GABRR2: variants seen among roughly 807,000 people sequenced by gnomAD.
GABRR2 encodes gamma-aminobutyric acid type A receptor subunit rho2, also known as gamma-aminobutyric acid receptor subunit rho-2.
In GABRR2, 36 loss-of-function variants were observed where a neutral mutation model predicts 47.0. The ratio of observed to expected loss-of-function variants is 0.77; its 90% CI spans 0.59 to 1.01. The LOEUF (loss-of-function observed/expected upper bound fraction) is 1.01, where lower values mean the gene tolerates loss of function less well. GABRR2 is among the 50% of genes least tolerant of loss of function. The pLI is 0.00. For missense variants in GABRR2, 587 were observed against 594.6 expected (o/e 0.99, Z 0.13); for synonymous variants, 204 against 227.5 (o/e 0.90, Z 0.93).
At chr6:89,286,550 T>C (rs1302744679) in intron 2 of GABRR2, among the ~76,000 whole-genome samples, 1 of 151,862 alleles carries the variant, frequency 6.6e-6, no homozygotes, top group Non-Finnish European at 1.5e-5. Context: ...TTGTTAATTA[T>C]ACCTCAAAGC....
chr6:89,283,928 ACTT>A (rs891439027), intron 2 of GABRR2, among the ~76,000 whole-genome samples: 29 of 152,198 alleles, frequency 1.9e-4, no homozygotes, highest in Admixed American at 1.6e-3. Flanking sequence ...TGGAAGAGAG[ACTT>A]CTTCTGAGTA....
At chr6:89,279,192 T>C (rs1339921810) in intron 2 of GABRR2, among the ~76,000 whole-genome samples, 1 of 152,218 alleles carries the variant, frequency 6.6e-6, no homozygotes, top group Non-Finnish European at 1.5e-5. Flanking sequence ...TGGTCCTTCA[T>C]GCCACCCACA....
At chr6:89,264,319 A>G in intron 8 of GABRR2, 93 bp downstream of exon 8, 1 of 1,382,746 alleles carries the variant, frequency 7.2e-7, no homozygotes, top group Middle Eastern at 1.9e-4. Context: ...TCCTTTTTCT[A>G]CATGCAACCC....
At chr6:89,263,054 G>T (rs914443781) in intron 8 of GABRR2, among the ~76,000 whole-genome samples, 1 of 152,120 alleles carries the variant, frequency 6.6e-6, no homozygotes, top group Non-Finnish European at 1.5e-5. Context: ...GTTTGCAGTT[G>T]ACCCTTGAAC....
At position 89,257,848 on chromosome 6, in the gene GABRR2, A is replaced by G. The variant is rs758229473; in HGVS notation, c.1220T>C (p.Ile407Thr). ...ACCACTCAGGCCCAGGTGGACCACT[A>G]TTTTGTCTTGCCTTTCTTCTTCTGT... ...ILTEEERQDK[I>T]VVHLGLSGEA... The change falls in exon 9 of 9, where the codon ATA becomes ACA. Residue 407 changes from isoleucine to threonine, a missense_variant. Coordinates refer to ENST00000402938, the MANE Select transcript of GABRR2 (RefSeq NM_002043.5). 12 of 1,613,834 alleles carry G rather than the reference A, an allele frequency of 7.4e-6. No individual in the cohort carries two copies. Among genetic ancestry groups the G allele is most frequent in the Admixed American group, 1.7e-5 (1 of 59,994 alleles).
intron 1 of GABRR2, among the ~76,000 whole-genome samples, chr6:89,313,995 G>A (rs1465925546): frequency 6.7e-6 from 1 of 149,838 alleles, no homozygotes; most frequent in East Asian, 1.9e-4. Context: ...GGAAGTAGAG[G>A]CTGTAACTCT....
Position 89,315,172 on chromosome 6 carries a change from G to A in GABRR2, c.-7C>T. The A allele has an allele frequency of 6.2e-7, 1 of 1,613,770 alleles. No individual in the cohort carries two copies. The highest frequency in any genetic ancestry group is 8.5e-7 in the Non-Finnish European group (1 of 1,179,796). On this transcript the variant is annotated 5_prime_UTR_variant, in exon 1 of 9. Transcript: ENST00000402938. ...GTCTTGTAAAATAAGGCATTTTGTG[G>A]ACATCTGTGAGGCAAAAAGCTGCTT... is the stretch of plus-strand genomic sequence containing the variant.
In GABRR2 at chr6:89,254,908, G is replaced by T. The variant is rs1341534486; in HGVS notation, c.*2762C>A. Reference sequence around the variant, plus strand: ...AAACACTGTTTATGATTCTAAATATGTCTGCTATAGAATTAACTCCAGTTT... The same window carrying T: ...AAACACTGTTTATGATTCTAAATATTTCTGCTATAGAATTAACTCCAGTTT... On this transcript the variant is annotated 3_prime_UTR_variant, in exon 9 of 9. Coordinates refer to ENST00000402938, the MANE Select transcript of GABRR2 (RefSeq NM_002043.5). Among the ~76,000 whole-genome samples, 1 of 152,100 alleles carries T rather than the reference G, an allele frequency of 6.6e-6. No homozygotes were observed. Among genetic ancestry groups the T allele is most frequent in the Non-Finnish European group, 1.5e-5 (1 of 68,020 alleles).
In GABRR2 at chr6:89,267,793, G is replaced by C; in HGVS notation, c.622C>G (p.Leu208Val). 1 of 1,613,558 alleles carries C rather than the reference G, an allele frequency of 6.2e-7. No individual in the cohort carries two copies. The highest frequency in any genetic ancestry group is 8.5e-7 in the Non-Finnish European group (1 of 1,179,756). The change falls in exon 6 of 9, where the codon CTG becomes GTG. Residue 208 changes from leucine to valine, a missense_variant. Leu to Val is a conservative substitution (Grantham distance 32). Coordinates refer to ENST00000402938, the MANE Select transcript of GABRR2 (RefSeq NM_002043.5). The stretch of plus-strand genomic sequence containing the variant: ...GATTCATCCCCATTCTTCCAGTACA[G>C]CATTAGATCTTCATCTGTATAGGCA... ...SYAYTDEDLM[L>V]YWKNGDESLK... is the part of the protein sequence containing the mutation.
intron 2 of GABRR2, among the ~76,000 whole-genome samples, chr6:89,284,024 G>A (rs1582451857): frequency 6.6e-6 from 1 of 152,108 alleles, no homozygotes; most frequent in Non-Finnish European, 1.5e-5. Flanking sequence ...CAAACTCTCC[G>A]ATGGTCCCAC....
At chr6:89,258,891 A>C in intron 8 of GABRR2, among the ~76,000 whole-genome samples, 1 of 147,052 alleles carries the variant, frequency 6.8e-6, no homozygotes, top group Non-Finnish European at 1.5e-5. Flanking sequence ...TATGCATTGA[A>C]TGCATAATAC....
chr6:89,305,945 T>C (rs1767551823), intron 1 of GABRR2, among the ~76,000 whole-genome samples: 1 of 151,586 alleles, frequency 6.6e-6, no homozygotes, highest in South Asian at 2.1e-4. Flanking sequence ...CCCCTGAACC[T>C]AAAATAGAAG....
Position 89,257,636 on chromosome 6 carries a change from T to A in GABRR2, c.*34A>T. On this transcript the variant is annotated 3_prime_UTR_variant, in exon 9 of 9. Coordinates refer to ENST00000402938, the MANE Select transcript of GABRR2 (RefSeq NM_002043.5). ...AATGACTGGCCAGGCCCCCTCGATG[T>A]CTATGCCCTCTTCTAGGAACAGCCT... is the stretch of plus-strand genomic sequence containing the variant. 6.4e-7 allele frequency: 1 copy of A among 1,558,546 alleles called. No individual in the cohort carries two copies. The highest frequency in any genetic ancestry group is 8.7e-7 in the Non-Finnish European group (1 of 1,143,012).
At chr6:89,309,812 C>A (rs898989779) in intron 1 of GABRR2, among the ~76,000 whole-genome samples, 1 of 152,080 alleles carries the variant, frequency 6.6e-6, no homozygotes, top group African/African-American at 2.4e-5. Flanking sequence ...GGGTCTTGCT[C>A]TGTTACCCAG....
chr6:89,303,891 C>T (rs59712516), intron 1 of GABRR2, among the ~76,000 whole-genome samples: 6,763 of 152,176 alleles, frequency 0.044, 218 homozygotes, highest in African/African-American at 0.09. Flanking sequence ...TTATGAGAAC[C>T]GGCTAGCCAT....
chr6:89,267,086 G>A (rs945180082), intron 6 of GABRR2, among the ~76,000 whole-genome samples: 7 of 143,654 alleles, frequency 4.9e-5, no homozygotes, highest in African/African-American at 1.8e-4. Context: ...TGCAACCTTT[G>A]CCTCCTGGGT....
chr6:89,311,087 C>A (rs1027020809), intron 1 of GABRR2, among the ~76,000 whole-genome samples: 6 of 152,162 alleles, frequency 3.9e-5, no homozygotes, highest in African/African-American at 1.4e-4. Context: ...TCAAGCCTTG[C>A]CTCCAGGAGT....
In GABRR2 at chr6:89,271,680, A is replaced by G. The variant is rs147754574; in HGVS notation, c.263T>C (p.Leu88Pro). The change falls in exon 3 of 9, where the codon CTG (leucine) becomes CCG (proline). Residue 88 changes from leucine to proline, a missense_variant. By Grantham distance (98) the Leu-to-Pro change is moderately conservative. Coordinates refer to ENST00000402938, the MANE Select transcript of GABRR2 (RefSeq NM_002043.5). The part of the protein sequence containing the change: ...PVGVDVQVES[L>P]DSISEVDMDF... ...CATGTCCACCTCGGAGATGCTGTCC[A>G]GGCTCTCCACCTGTACGTCCACGCC... The G allele has an allele frequency of 1.9e-5, 30 of 1,612,356 alleles. No individual in the cohort carries two copies. The highest frequency in any genetic ancestry group is 2.5e-5 in the Non-Finnish European group (30 of 1,179,372).
intron 8 of GABRR2, among the ~76,000 whole-genome samples, chr6:89,260,736 G>A (rs1048340914): frequency 6.6e-6 from 1 of 152,148 alleles, no homozygotes; most frequent in African/African-American, 2.4e-5. Context: ...GTGGTCTAGG[G>A]AATCTATTTT....
Sources: allele counts gnomAD v4.1 joint callset (sites outside exome capture counted in the v4.1 genomes callset), GRCh38; gene constraint gnomAD v4.1.1; transcripts MANE v1.5; gene names NCBI Gene and HGNC (gene_info 2026-07-23, HGNC 2026-07-21).